GMEB2: variants seen among roughly 807,000 people sequenced by gnomAD.
GMEB2 encodes the protein glucocorticoid modulatory element binding protein 2, also known as glucocorticoid modulatory element-binding protein 2.
A neutral mutation model predicts 45.7 loss-of-function variants in GMEB2; 7 were observed. The observed-to-expected ratio is 0.15, with a 90% CI of 0.09 to 0.29. The LOEUF (loss-of-function observed/expected upper bound fraction) is 0.29. Ranked by LOEUF, GMEB2 falls within the 10% of genes least tolerant of loss-of-function variation. The pLI, the probability that GMEB2 is intolerant of heterozygous loss-of-function variation, is 1.00. For synonymous variants in GMEB2, 322 were observed against 323.6 expected (o/e 1.00, Z 0.05); for missense variants, 582 against 739.2 (o/e 0.79, Z 2.47).
chr20:63,599,233 C>T (rs1171032967), intron 4 of GMEB2, among the ~76,000 whole-genome samples: 16 of 151,826 alleles, frequency 1.1e-4, no homozygotes, highest in Non-Finnish European at 1.6e-4. Context: ...GGAGCTAACT[C>T]GGCCCGCTCC....
At position 63,594,907 on chromosome 20, in the gene GMEB2, C is replaced by A. The variant is rs539014751; in HGVS notation, c.619+703G>T. 2.2e-4 allele frequency among the ~76,000 whole-genome samples: 34 copies of A among 152,330 alleles called. No individual in the cohort carries two copies. In the South Asian group the frequency reaches 6.0e-3, roughly 27 times the overall value. Reference sequence around the variant, plus strand: ...GGGACTACAGGCATGCACCACCACACCCGGCTAACTTCTGTACTTTTAATA... The same window carrying A: ...GGGACTACAGGCATGCACCACCACAACCGGCTAACTTCTGTACTTTTAATA... On this transcript the variant is annotated intron_variant, in intron 6 of 9. Transcript: ENST00000370077.
At position 63,621,223 on chromosome 20, in the gene GMEB2, C is replaced by T. The variant is rs1401546191; in HGVS notation, c.-57-1769G>A. Among the ~76,000 whole-genome samples the T allele has an allele frequency of 9.1e-4, 138 of 151,904 alleles. 3 individuals carry two copies. Among genetic ancestry groups the T allele is most frequent in the Non-Finnish European group, 7.4e-5 (5 of 67,934 alleles). ...AAAACGAAAAAGAAAGAAAGTAGAA[C>T]AGAAGTGACCAGGGGCTGGGGGAGG... On this transcript the variant is annotated intron_variant, in intron 1 of 9. Coordinates refer to ENST00000370077, the MANE Select transcript of GMEB2 (RefSeq NM_012384.5).
rs577827678 is a variant in GMEB2 at position 63,589,486 on chromosome 20, C to A, written c.*603G>T. The A allele has an allele frequency of 1.0e-5, 3 of 298,376 alleles. No homozygotes were observed. Among genetic ancestry groups the A allele is most frequent in the African/African-American group, 2.1e-5 (1 of 46,652 alleles). 18.5% of individuals were successfully genotyped at this position (298,376 alleles called of 1,614,324 possible). ...CGGCTGGGGGCGGGGGAGGCAGGCA[C>A]CCATCAGGATCTGCACCCCAAGCTC... is the stretch of plus-strand genomic sequence containing the variant. On this transcript the variant is annotated 3_prime_UTR_variant, in exon 10 of 10. Coordinates refer to ENST00000370077, the MANE Select transcript of GMEB2 (RefSeq NM_012384.5).
intron 1 of GMEB2, among the ~76,000 whole-genome samples, chr20:63,625,564 TTA>T (rs2089665266): frequency 6.6e-6 from 1 of 152,024 alleles, no homozygotes; most frequent in Non-Finnish European, 1.5e-5. Flanking sequence ...AGTTTCCAAA[TTA>T]TTAGGTAAAT....
chr20:63,590,415 G>T lies in GMEB2; in HGVS notation c.1267C>A (p.Pro423Thr). 1 of 1,566,100 alleles carries T rather than the reference G, an allele frequency of 6.4e-7. No homozygotes were observed. The highest frequency in any genetic ancestry group is 8.7e-7 in the Non-Finnish European group (1 of 1,150,364). The stretch of plus-strand genomic sequence containing the variant: ...TATCCCCCGAGCAGCGGGGAGGCCG[G>T]GGAGCTGGCGGGGGGCGCCTGAAGG... ...GSLQAPPASS[P>T]ASPLLGGYTV... Residue 423 changes from proline to threonine, a missense_variant, in exon 10 of 10, where the codon CCG becomes ACG. Transcript: ENST00000370077.
chr20:63,618,872 C>T (rs994647060), intron 2 of GMEB2, among the ~76,000 whole-genome samples: 1 of 152,154 alleles, frequency 6.6e-6, no homozygotes, highest in Non-Finnish European at 1.5e-5. Flanking sequence ...ACATTTGAAT[C>T]GGACATCTGG....
At chr20:63,623,524 C>T (rs1432487289) in intron 1 of GMEB2, among the ~76,000 whole-genome samples, 3 of 152,098 alleles carry the variant, frequency 2.0e-5, no homozygotes, top group South Asian at 2.1e-4. Flanking sequence ...TTAGGCCGGG[C>T]GCGGTGGCTC....
At position 63,588,538 on chromosome 20, in the gene GMEB2, A is replaced by G. The variant is rs550532831; in HGVS notation, c.*1551T>C. ...TGACAACAGCAAACAAAAATGTAAC[A>G]GAGAAAACAAACAAGACACAGCCTC... is the stretch of plus-strand genomic sequence containing the variant. On this transcript the variant is annotated 3_prime_UTR_variant, in exon 10 of 10. Coordinates refer to ENST00000370077, the MANE Select transcript of GMEB2 (RefSeq NM_012384.5). 79 of 395,090 alleles carry G rather than the reference A, an allele frequency of 2.0e-4. No individual in the cohort carries two copies. The highest frequency in any genetic ancestry group is 4.4e-4 in the Admixed American group (10 of 22,648). 24.5% of individuals were successfully genotyped at this position (395,090 alleles called of 1,614,324 possible).
chr20:63,590,600 A>G lies in GMEB2; in HGVS notation c.1082T>C (p.Leu361Pro). Reference sequence around the variant, plus strand: ...GGCCGGTCCTGATGTGGCACGTGCAAGCCGGGGCCGCTTCACAGGCGGTGG... The same window carrying G: ...GGCCGGTCCTGATGTGGCACGTGCAGGCCGGGGCCGCTTCACAGGCGGTGG... ...SLPPPVKRPR[L>P]ARATSGPAAM... The change falls in exon 10 of 10, where the codon CTT becomes CCT. Residue 361 changes from leucine to proline, a missense_variant. This residue lies in a region of GMEB2 where 462 missense variants were observed against 586.7 expected (regional missense o/e 0.79). Transcript: ENST00000370077. 6.3e-7 allele frequency: 1 copy of G among 1,591,620 alleles called. No individual in the cohort carries two copies. The highest frequency in any genetic ancestry group is 8.6e-7 in the Non-Finnish European group (1 of 1,167,974).
chr20:63,623,878 G>A (rs1440288895), intron 1 of GMEB2, among the ~76,000 whole-genome samples: 3 of 151,964 alleles, frequency 2.0e-5, no homozygotes, highest in East Asian at 3.9e-4. Context: ...TTGGGAGGCC[G>A]AGGCGAGCAG....
chr20:63,597,915 C>T lies in GMEB2; in HGVS notation c.358-55G>A, dbSNP rs373915199. 16 of 986,198 alleles carry T rather than the reference C, an allele frequency of 1.6e-5. No homozygotes were observed. The South Asian group carries it at 1.8e-4, about 11-fold the overall frequency. The allele number at this position is 986,198 out of a possible 1,614,324, so 61.1% of individuals were successfully genotyped here. A position where few individuals can be genotyped will look rare whatever the true frequency, so the allele number is the denominator to read the frequency against. On this transcript the variant is annotated intron_variant, in intron 4 of 9. Coordinates refer to ENST00000370077, the MANE Select transcript of GMEB2 (RefSeq NM_012384.5). ...CTTGGCCGGGACACCACATAGGGTGCCCCCATCTCCCATCCGACCCTGAGT... is the reference window on the plus strand; with the variant it reads ...CTTGGCCGGGACACCACATAGGGTGTCCCCATCTCCCATCCGACCCTGAGT...
intron 4 of GMEB2, among the ~76,000 whole-genome samples, chr20:63,598,372 A>ACACACACT (rs1491017761): frequency 2.7e-5 from 4 of 147,634 alleles, no homozygotes; most frequent in Non-Finnish European, 1.5e-5. Context: ...ACACACACAC[A>ACACACACT]CTCATCTGTT....
intron 2 of GMEB2, 77 bp from the exon 3 acceptor site, chr20:63,604,917 G>C: frequency 1.2e-6 from 1 of 836,642 alleles, no homozygotes; most frequent in Non-Finnish European, 2.1e-6. Flanking sequence ...TTTCCTGACA[G>C]CGCTTTGCTG....
chr20:63,621,979 T>C (rs927054753), intron 1 of GMEB2, among the ~76,000 whole-genome samples: 1 of 151,386 alleles, frequency 6.6e-6, no homozygotes, highest in South Asian at 2.1e-4. Flanking sequence ...TAATAAAAAA[T>C]AGCCAGGCAT....
chr20:63,604,388 A>G (rs112221289), intron 3 of GMEB2, among the ~76,000 whole-genome samples: 1 of 152,142 alleles, frequency 6.6e-6, no homozygotes, highest in Admixed American at 6.5e-5. Context: ...AAAAAACAAA[A>G]CCTTCTTTTA....
At position 63,592,703 on chromosome 20, in the gene GMEB2, GA is replaced by G; in HGVS notation, c.692-34del. 2.5e-6 allele frequency: 4 copies of G among 1,599,436 alleles called. No individual in the cohort carries two copies. The highest frequency in any genetic ancestry group is 3.4e-6 in the Non-Finnish European group (4 of 1,168,562). ...GGAAGGAGTGGGTTCAGTGGGCAGGGAAAGTGCTGCTACACGGGGCAGCCAC... is the reference window on the plus strand; with the variant it reads ...GGAAGGAGTGGGTTCAGTGGGCAGGGAAGTGCTGCTACACGGGGCAGCCAC... On this transcript the variant is annotated intron_variant, in intron 7 of 9. Coordinates refer to ENST00000370077, the MANE Select transcript of GMEB2 (RefSeq NM_012384.5). The surrounding 1 kb of genome is among the most constrained non-coding windows in gnomAD (Gnocchi z 8.2).
At chr20:63,612,978 C>T (rs1255294745) in intron 2 of GMEB2, among the ~76,000 whole-genome samples, 20 of 148,576 alleles carry the variant, frequency 1.3e-4, no homozygotes, top group African/African-American at 3.5e-4. Flanking sequence ...TTTTTTTTTT[C>T]GGAGACGCAG....
intron 3 of GMEB2, among the ~76,000 whole-genome samples, chr20:63,603,620 T>C (rs1241215761): frequency 6.6e-6 from 1 of 151,616 alleles, no homozygotes; most frequent in Non-Finnish European, 1.5e-5. Flanking sequence ...TCCCAGCTAC[T>C]GGGAAGGCTG....
chr20:63,620,474 C>A (rs1236248172), intron 1 of GMEB2, among the ~76,000 whole-genome samples: 5 of 152,146 alleles, frequency 3.3e-5, no homozygotes, highest in Admixed American at 3.3e-4. Flanking sequence ...GGGGAGGCGA[C>A]AAGAGGAGAG....
Sources: allele counts gnomAD v4.1 joint callset (sites outside exome capture counted in the v4.1 genomes callset), GRCh38; gene constraint gnomAD v4.1.1; regional missense constraint gnomAD v4.1.1; non-coding constraint Gnocchi (gnomAD v3.1); transcripts MANE v1.5; gene names NCBI Gene and HGNC (gene_info 2026-07-23, HGNC 2026-07-21).